LPIN3: variants seen among roughly 807,000 people sequenced by gnomAD.
LPIN3 encodes the protein lipin 3.
In LPIN3, 82 loss-of-function variants were observed where a neutral mutation model predicts 94.7. That is an observed-to-expected ratio of 0.87 (90% confidence interval 0.72 to 1.04). The LOEUF (loss-of-function observed/expected upper bound fraction) is 1.04, where lower values mean the gene tolerates loss of function less well. Ranked by LOEUF, LPIN3 falls within the 50% of genes least tolerant of loss-of-function variation. LPIN3 has a pLI of 0.00. For synonymous variants in LPIN3, 418 were observed against 443.3 expected (o/e 0.94, Z 0.72); for missense variants, 996 against 1,090.5 (o/e 0.91, Z 1.22).
rs200958946 is a variant in LPIN3 at position 41,352,209 on chromosome 20, A to G, written c.1352A>G (p.Asp451Gly). 53 of 1,614,170 alleles carry G rather than the reference A, an allele frequency of 3.3e-5. No individual in the cohort carries two copies. In the East Asian group the frequency reaches 1.0e-3, roughly 32 times the overall value. Residue 451 changes from aspartate to glycine, a missense_variant, in exon 9 of 20, where the codon GAC becomes GGC. Coordinates refer to ENST00000373257, the MANE Select transcript of LPIN3 (RefSeq NM_022896.3). ...TGTGGTGGACTGGCTGACAGCCGGG[A>G]CATCTCCCTAGGTATGTTCGACCAT... is the stretch of plus-strand genomic sequence containing the variant. Reference protein sequence around the residue: ...SLCGGLADSRDISLEKFNQHS... With the variant: ...SLCGGLADSRGISLEKFNQHS...
chr20:41,345,704 T>A, intron 1 of LPIN3, 92 bp from the exon 2 acceptor site: 2 of 1,356,862 alleles, frequency 1.5e-6, no homozygotes, highest in Non-Finnish European at 2.0e-6. Flanking sequence ...GACACAAATG[T>A]AAACTTGGGG....
intron 12 of LPIN3, 37 bp from the exon 13 acceptor site, chr20:41,354,783 G>C: frequency 1.2e-6 from 2 of 1,612,660 alleles, no homozygotes; most frequent in South Asian, 2.2e-5. Flanking sequence ...AGCACAGGGC[G>C]GGAGGTGGGA....
intron 3 of LPIN3, among the ~76,000 whole-genome samples, chr20:41,348,412 G>A (rs2045865495): frequency 6.6e-6 from 1 of 152,196 alleles, no homozygotes; most frequent in East Asian, 1.9e-4. Context: ...ATCTCTGCCT[G>A]GCCTGCCAGG....
Position 41,358,959 on chromosome 20 carries a change from C to A in LPIN3, c.*93C>A. On this transcript the variant is annotated 3_prime_UTR_variant, in exon 20 of 20. Coordinates refer to ENST00000373257, the MANE Select transcript of LPIN3 (RefSeq NM_022896.3). The stretch of plus-strand genomic sequence containing the variant: ...GGGTGGGAATTGGAGTGTCATGGGG[C>A]AAACCCACTGAAGGGGAAGGAGGAG... The A allele has an allele frequency of 6.8e-7, 1 of 1,476,908 alleles. No individual in the cohort carries two copies. 91.5% of individuals were successfully genotyped at this position (1,476,908 alleles called of 1,614,324 possible).
rs1480191639 is a variant in LPIN3 at position 41,347,620 on chromosome 20, C to G, written c.261C>G (p.Phe87Leu). ...HMKLGDSGEAFFVQELESDDE... is the reference protein window; with the variant it reads ...HMKLGDSGEALFVQELESDDE... The stretch of plus-strand genomic sequence containing the variant: ...AGCTTGGGGACAGCGGGGAGGCCTT[C>G]TTTGTTCAGGAGCTGGAGAGCGATG... The change falls in exon 3 of 20, where the codon TTC becomes TTG. Residue 87 changes from phenylalanine to leucine, a missense_variant. Coordinates refer to ENST00000373257, the MANE Select transcript of LPIN3 (RefSeq NM_022896.3). 1.9e-6 allele frequency: 3 copies of G among 1,613,970 alleles called. No individual in the cohort carries two copies. Among genetic ancestry groups the G allele is most frequent in the Non-Finnish European group, 2.5e-6 (3 of 1,179,986 alleles).
Position 41,357,122 on chromosome 20 carries a change from C to T in LPIN3, c.1886C>T (p.Ala629Val). 1.9e-6 allele frequency: 3 copies of T among 1,614,162 alleles called. No homozygotes were observed. Among genetic ancestry groups the T allele is most frequent in the Non-Finnish European group, 2.5e-6 (3 of 1,180,006 alleles). The change falls in exon 15 of 20, where the codon GCC becomes GTC. Residue 629 changes from alanine (A) to valine (V), a missense_variant. Coordinates refer to ENST00000373257, the MANE Select transcript of LPIN3 (RefSeq NM_022896.3). ...TQYQGTCRCK[A>V]TIYLWKWDDK... ...TACCAGGGCACCTGCCGCTGCAAGG[C>T]CACCATCTACCTGTGGAAATGGGAC...
intron 6 of LPIN3, 33 bp from the exon 7 acceptor site, chr20:41,350,022 G>C: frequency 3.8e-6 from 6 of 1,568,764 alleles, no homozygotes; most frequent in Non-Finnish European, 5.2e-6. Flanking sequence ...GCCTTACCCT[G>C]GCCCACATCT....
rs774756851 is a variant in LPIN3, at chr20:41,345,802, C to A, written c.-2C>A. 6.8e-6 allele frequency: 11 copies of A among 1,609,260 alleles called. 1 individual carries two copies. The highest frequency in any genetic ancestry group is 9.3e-6 in the Non-Finnish European group (11 of 1,176,488). On this transcript the variant is annotated 5_prime_UTR_variant, in exon 2 of 20. Transcript: ENST00000373257. ...CACTGCCTTTCTTTGCCAGCACCAG[C>A]CATGAACTACGTGGGGCAGCTGGCG... is the stretch of plus-strand genomic sequence containing the variant.
intron 13 of LPIN3, 40 bp downstream of exon 13, chr20:41,354,903 T>G: frequency 6.5e-7 from 1 of 1,540,762 alleles, no homozygotes; most frequent in Non-Finnish European, 8.8e-7. Flanking sequence ...AGGGGGAGCC[T>G]GGGAAAGATG....
At chr20:41,352,546 T>G in intron 9 of LPIN3, 60 bp from the exon 10 acceptor site, 1 of 1,451,014 alleles carries the variant, frequency 6.9e-7, no homozygotes, top group Non-Finnish European at 9.7e-7. Context: ...ACCAGGGGGC[T>G]GGGGCAGCGG....
Position 41,354,804 on chromosome 20 carries a change from G to A in LPIN3, c.1621-16G>A. Reference sequence around the variant, plus strand: ...GGGCGGGAGGTGGGATTCACTAATGGATGTTCTTTCCACAGCGCAGTGCCC... The same window carrying A: ...GGGCGGGAGGTGGGATTCACTAATGAATGTTCTTTCCACAGCGCAGTGCCC... On this transcript the variant is annotated splice_polypyrimidine_tract_variant and intron_variant, in intron 12 of 19. Coordinates refer to ENST00000373257, the MANE Select transcript of LPIN3 (RefSeq NM_022896.3). 1 of 1,611,492 alleles carries A rather than the reference G, an allele frequency of 6.2e-7. No individual in the cohort carries two copies. The highest frequency in any genetic ancestry group is 8.5e-7 in the Non-Finnish European group (1 of 1,178,714).
intron 7 of LPIN3, 36 bp downstream of exon 7, chr20:41,350,433 G>C (rs764074111): frequency 6.7e-7 from 1 of 1,488,362 alleles, no homozygotes; most frequent in South Asian, 1.3e-5. Flanking sequence ...TGCCTCCCTG[G>C]CCTCGCTCTG....
chr20:41,348,783 G>A lies in LPIN3; in HGVS notation c.453G>A (p.Lys151=), dbSNP rs550712159. ...RRKRRRRRKP[K]QKEDAVATDS... is the part of the protein sequence containing the mutation. ...AGAGGCGTCGCAGGAGGAAACCCAA[G>A]CAGAAAGAGGATGCAGTGGCAACTG... Residue 151 remains lysine, a synonymous_variant, in exon 4 of 20, where the codon AAG becomes AAA. Coordinates refer to ENST00000373257, the MANE Select transcript of LPIN3 (RefSeq NM_022896.3). The A allele has an allele frequency of 2.9e-5, 47 of 1,612,780 alleles. No homozygotes were observed. The South Asian group carries it at 3.9e-4, about 13-fold the overall frequency.
chr20:41,345,362 A>T (rs1451044308), intron 1 of LPIN3, among the ~76,000 whole-genome samples: 1 of 151,574 alleles, frequency 6.6e-6, no homozygotes, highest in Non-Finnish European at 1.5e-5. Context: ...AGGTCACTCC[A>T]CCTCTCTGAG....
rs1317120122 is a variant in LPIN3 at position 41,349,875 on chromosome 20, C to A, written c.740C>A (p.Ala247Asp). 1.2e-6 allele frequency: 2 copies of A among 1,613,036 alleles called. No individual in the cohort carries two copies. Among genetic ancestry groups the A allele is most frequent in the Non-Finnish European group, 1.7e-6 (2 of 1,179,882 alleles). Residue 247 changes from alanine (A) to aspartate (D), a missense_variant, in exon 6 of 20, where the codon GCC (alanine) becomes GAC (aspartate). Ala to Asp is a moderately radical substitution (Grantham distance 126). Transcript: ENST00000373257. ...PLRAESHMQWAWGRLPKVARA... is the reference protein window; with the variant it reads ...PLRAESHMQWDWGRLPKVARA... ...AGAGCCGAGTCCCACATGCAGTGGG[C>A]CTGGGGGAGGCTGCCTAAGGTGAGT...
intron 11 of LPIN3, 39 bp downstream of exon 11, chr20:41,352,906 A>G: frequency 1.9e-6 from 3 of 1,606,740 alleles, no homozygotes; most frequent in East Asian, 2.2e-5. Context: ...TGGGGAAGGT[A>G]GCCATAGACT....
intron 11 of LPIN3, 113 bp from the exon 12 acceptor site, chr20:41,354,532 A>G: frequency 1.0e-6 from 1 of 976,700 alleles, no homozygotes. Context: ...ACAGCACCTT[A>G]CCCTAGGGTT....
rs1414848474 is a variant in LPIN3, at chr20:41,360,364, C to T, written c.*1498C>T. ...ACTTTGTAGAGAAATGCCCTGACCT[C>T]GCAGGAAGGATTTCCCCACCCCCAA... On this transcript the variant is annotated 3_prime_UTR_variant, in exon 20 of 20. Transcript: ENST00000373257. The T allele has an allele frequency of 6.6e-6, 1 of 152,200 alleles. No homozygotes were observed. The highest frequency in any genetic ancestry group is 2.4e-5 in the African/African-American group (1 of 41,392). 9.4% of individuals were successfully genotyped at this position (152,200 alleles called of 1,614,324 possible).
rs1375064590 is a variant in LPIN3 at position 41,355,996 on chromosome 20, A to G, written c.1765A>G (p.Thr589Ala). 2 of 1,613,954 alleles carry G rather than the reference A, an allele frequency of 1.2e-6. No homozygotes were observed. The highest frequency in any genetic ancestry group is 1.7e-5 in the Admixed American group (1 of 59,994). The change falls in exon 14 of 20, where the codon ACC becomes GCC. Residue 589 changes from threonine to alanine, a missense_variant. By Grantham distance (58) the Thr-to-Ala change is moderately conservative. Transcript: ENST00000373257. ...LPPSTPPSTPTYKKSLRLSSD... is the reference protein window; with the variant it reads ...LPPSTPPSTPAYKKSLRLSSD... Reference sequence around the variant, plus strand: ...ACCCTCCACTCCACCCTCCACTCCTACCTACAAGAAGTCCCTCCGCCTCTC... The same window carrying G: ...ACCCTCCACTCCACCCTCCACTCCTGCCTACAAGAAGTCCCTCCGCCTCTC...
Sources: allele counts gnomAD v4.1 joint callset (sites outside exome capture counted in the v4.1 genomes callset), GRCh38; gene constraint gnomAD v4.1.1; transcripts MANE v1.5; gene names NCBI Gene and HGNC (gene_info 2026-07-23, HGNC 2026-07-21).